Variants in KLF8 observed in about 807,000 individuals in gnomAD.
KLF8 encodes the protein Krueppel-like factor 8.
In KLF8, 10 loss-of-function variants were observed where a neutral mutation model predicts 18.2. The ratio of observed to expected loss-of-function variants is 0.55; its 90% CI spans 0.34 to 0.93. The LOEUF is 0.93. Among genes scored for constraint, KLF8 ranks in the 40% least tolerant of loss-of-function variants. The probability of loss-of-function intolerance (pLI) is 0.02; values close to 1 mark genes in which losing one functional copy is unlikely to be tolerated. For missense variants in KLF8, 264 were observed against 277.9 expected (o/e 0.95, Z 0.36); for synonymous variants, 109 against 97.3 (o/e 1.12, Z -0.71).
At chrX:55,945,276 G>A in the KLF8 span, among the ~76,000 whole-genome samples, 2 of 110,911 alleles carry the variant, frequency 1.8e-5, no homozygotes, top group Admixed American at 9.6e-5. Context: ...TGGAATAGGT[G>A]TGGTGTGGTG....
chrX:55,937,624 G>GA, the KLF8 span, among the ~76,000 whole-genome samples: 2 of 110,942 alleles, frequency 1.8e-5, no homozygotes, highest in Non-Finnish European at 3.8e-5. Flanking sequence ...TAAAAACCTT[G>GA]AAAAAAAATT....
the KLF8 span, among the ~76,000 whole-genome samples, chrX:55,935,955 A>G: frequency 8.9e-6 from 1 of 112,385 alleles, no homozygotes; most frequent in Non-Finnish European, 1.9e-5. Flanking sequence ...AAGCATATTT[A>G]TAATATTTCA....
At chrX:56,270,347 A>AAT in intron 5 of KLF8, 26 bp downstream of exon 5, 1 of 661,763 alleles carries the variant, frequency 1.5e-6, no homozygotes, top group Non-Finnish European at 2.0e-6. Flanking sequence ...TCTCACCCCC[A>AAT]ACACACACAC....
the KLF8 span, among the ~76,000 whole-genome samples, chrX:56,157,043 A>T: frequency 9.5e-6 from 1 of 105,187 alleles, no homozygotes; most frequent in Non-Finnish European, 1.9e-5. Flanking sequence ...ACCATGGAAT[A>T]CTATGCAGCC....
the KLF8 span, among the ~76,000 whole-genome samples, chrX:56,033,284 T>A: frequency 1.8e-5 from 2 of 111,831 alleles, no homozygotes; most frequent in Non-Finnish European, 1.9e-5. Flanking sequence ...TTTTTCTTTA[T>A]GTGGCTGGCA....
the KLF8 span, among the ~76,000 whole-genome samples, chrX:56,050,926 G>A: frequency 9.2e-6 from 1 of 108,912 alleles, no homozygotes; most frequent in African/African-American, 3.3e-5. Context: ...GGTCACTCAG[G>A]ACTTGCTTTA....
At chrX:55,969,383 T>C in the KLF8 span, among the ~76,000 whole-genome samples, 1 of 111,597 alleles carries the variant, frequency 9.0e-6, no homozygotes, top group Non-Finnish European at 1.9e-5. Context: ...AAGAAAGAAA[T>C]TGAAAATTTT....
the KLF8 span, among the ~76,000 whole-genome samples, chrX:56,222,139 T>G: frequency 9.1e-6 from 1 of 110,160 alleles, no homozygotes; most frequent in African/African-American, 3.3e-5. Context: ...AGATACAGAG[T>G]GCTGATTGGT....
the KLF8 span, among the ~76,000 whole-genome samples, chrX:55,946,967 C>T: frequency 5.4e-5 from 6 of 111,305 alleles, no homozygotes; most frequent in East Asian, 8.5e-4. Context: ...GAATGGCGAT[C>T]GTTAAAAAGT....
the KLF8 span, among the ~76,000 whole-genome samples, chrX:55,926,869 A>T: frequency 9.1e-6 from 1 of 109,505 alleles, no homozygotes; most frequent in African/African-American, 3.4e-5. Context: ...AAGCCAGATC[A>T]CATGCTCAGA....
At chrX:56,028,022 C>A in the KLF8 span, among the ~76,000 whole-genome samples, 1 of 112,244 alleles carries the variant, frequency 8.9e-6, no homozygotes, top group African/African-American at 3.2e-5. Context: ...GCAGGACTGT[C>A]AGACATGGAG....
the KLF8 span, among the ~76,000 whole-genome samples, chrX:56,013,752 C>T: frequency 9.0e-6 from 1 of 111,697 alleles, no homozygotes; most frequent in Non-Finnish European, 1.9e-5. Context: ...GACATGTTTG[C>T]TTCTCCTTCT....
At chrX:55,989,153 G>C in the KLF8 span, among the ~76,000 whole-genome samples, 2 of 111,800 alleles carry the variant, frequency 1.8e-5, no homozygotes, top group African/African-American at 6.5e-5. Context: ...TGCAAACAGG[G>C]ACAATTTGAC....
chrX:56,282,150 C>A (rs1370726259), intron 5 of KLF8, among the ~76,000 whole-genome samples: 1 of 112,466 alleles, frequency 8.9e-6, no homozygotes, highest in Non-Finnish European at 1.9e-5. Flanking sequence ...TTTACACACT[C>A]TAAACATCCC....
intron 2 of KLF8, among the ~76,000 whole-genome samples, chrX:56,262,208 C>G (rs2066890745): frequency 8.9e-6 from 1 of 112,074 alleles, no homozygotes; most frequent in Non-Finnish European, 1.9e-5. Context: ...TAGGTTTAGT[C>G]TATGAAAGGA....
At chrX:55,962,950 A>C in the KLF8 span, among the ~76,000 whole-genome samples, 3 of 112,566 alleles carry the variant, frequency 2.7e-5, no homozygotes, top group Non-Finnish European at 5.6e-5. Context: ...GCAACCTTAA[A>C]AAGAGACCAT....
chrX:56,146,571 G>A, the KLF8 span, among the ~76,000 whole-genome samples: 1 of 110,661 alleles, frequency 9.0e-6, no homozygotes, highest in South Asian at 3.9e-4. Context: ...TGGATGTGGG[G>A]GGATTAGGGG....
At chrX:56,268,602 AC>A (rs2067001876) in intron 3 of KLF8, 1 of 438,651 alleles carries the variant, frequency 2.3e-6, no homozygotes, top group Non-Finnish European at 2.8e-6. Context: ...ACAAACATGC[AC>A]ACCTCAAGAT....
chrX:56,055,628 A>G, the KLF8 span, among the ~76,000 whole-genome samples: 1 of 112,309 alleles, frequency 8.9e-6, no homozygotes, highest in Admixed American at 9.4e-5. Context: ...AGGTTGAAGA[A>G]GTTCTCATGG....
Sources: allele counts gnomAD v4.1 joint callset (sites outside exome capture counted in the v4.1 genomes callset), GRCh38; gene constraint gnomAD v4.1.1; transcripts MANE v1.5; gene names NCBI Gene and HGNC (gene_info 2026-07-23, HGNC 2026-07-21).